Variants in HDGFL3 observed in about 807,000 individuals in gnomAD.
HDGFL3 encodes the protein HDGF like 3.
In HDGFL3, 6 loss-of-function variants were observed where a neutral mutation model predicts 27.6. That is an observed-to-expected ratio of 0.22 (90% confidence interval 0.12 to 0.43). The LOEUF (loss-of-function observed/expected upper bound fraction) is 0.43, where lower values mean the gene tolerates loss of function less well. Among genes scored for constraint, HDGFL3 ranks in the 20% least tolerant of loss-of-function variants. HDGFL3 has a pLI of 1.00. For synonymous variants in HDGFL3, 88 were observed against 88.9 expected (o/e 0.99, Z 0.05); for missense variants, 207 against 250.1 (o/e 0.83, Z 1.16).
At chr15:83,153,265 G>A (rs758821863) in intron 4 of HDGFL3, among the ~76,000 whole-genome samples, 15 of 152,136 alleles carry the variant, frequency 9.9e-5, no homozygotes, top group Non-Finnish European at 1.3e-4. Context: ...TGATCTGCCC[G>A]CCTCGGCCTC....
Position 83,113,244 on chromosome 15 carries a change from C to T in HDGFL3, c.*2465G>A, listed in dbSNP as rs146817131. On this transcript the variant is annotated 3_prime_UTR_variant, in exon 4 of 4. Coordinates refer to the HDGFL3 transcript ENST00000568294. ...TCAGCCTGCTACTAGCAGTCCCCCC[C>T]ACTTAGTGCAGAACTTAACTGTGTG... 1.4e-3 allele frequency: 543 copies of T among 377,344 alleles called. 7 individuals carry two copies. Among genetic ancestry groups the T allele is most frequent in the Admixed American group, 0.012 (309 of 25,394 alleles). 23.4% of individuals were successfully genotyped at this position (377,344 alleles called of 1,614,324 possible).
exon 4 of HDGFL3, chr15:83,115,201 TC>T: frequency 3.4e-4 from 57 of 165,668 alleles, no homozygotes; most frequent in South Asian, 1.1e-3. Flanking sequence ...CACTGCAACC[TC>T]CGCCTCCTGG....
chr15:83,190,801 T>C (rs1401634626), intron 1 of HDGFL3, among the ~76,000 whole-genome samples: 2 of 152,222 alleles, frequency 1.3e-5, no homozygotes, highest in African/African-American at 2.4e-5. Flanking sequence ...TTTCCTGTTA[T>C]GGCTAGTTCT....
intron 1 of HDGFL3, among the ~76,000 whole-genome samples, chr15:83,183,085 T>C (rs1420079858): frequency 6.6e-6 from 1 of 152,230 alleles, no homozygotes; most frequent in Non-Finnish European, 1.5e-5. Flanking sequence ...TCCTTTTCTC[T>C]TAAAATGTAA....
At chr15:83,204,126 T>C (rs1167050971) in intron 1 of HDGFL3, among the ~76,000 whole-genome samples, 1 of 150,526 alleles carries the variant, frequency 6.6e-6, no homozygotes. Flanking sequence ...GGCATGAGAG[T>C]ACTTTCGTAG....
intron 5 of HDGFL3, among the ~76,000 whole-genome samples, chr15:83,145,897 C>CTTTTTTTTTTT (rs3082058): frequency 1.0e-4 from 5 of 49,436 alleles, no homozygotes; most frequent in Non-Finnish European, 1.4e-4. Flanking sequence ...TTTCTTCTTC[C>CTTTTTTTTTTT]TTTTTTTTTT....
At chr15:83,113,117 T>C (rs2034344770) in exon 4 of HDGFL3, 2 of 577,904 alleles carry the variant, frequency 3.5e-6, no homozygotes, top group Admixed American at 3.0e-5. Flanking sequence ...CGGTGGAGAG[T>C]TACTGCCAGG....
chr15:83,150,443 A>G (rs1434218864), intron 5 of HDGFL3, among the ~76,000 whole-genome samples: 2 of 152,220 alleles, frequency 1.3e-5, no homozygotes, highest in East Asian at 3.8e-4. Flanking sequence ...GAGAACAATC[A>G]GAATCATAAT....
At chr15:83,183,034 G>C (rs971891121) in intron 1 of HDGFL3, among the ~76,000 whole-genome samples, 16 of 152,180 alleles carry the variant, frequency 1.1e-4, no homozygotes, top group African/African-American at 3.6e-4. Context: ...TAAATAGAGA[G>C]GGAAGAAGAG....
chr15:83,162,351 T>C (rs2037112430), intron 2 of HDGFL3, among the ~76,000 whole-genome samples: 1 of 152,154 alleles, frequency 6.6e-6, no homozygotes, highest in South Asian at 2.1e-4. Context: ...CTCCCCCAGG[T>C]ATTTTTAAAT....
chr15:83,136,783 C>A lies in HDGFL3; in HGVS notation c.*2487G>T. The A allele has an allele frequency of 1.1e-6, 1 of 915,838 alleles. No individual in the cohort carries two copies. Among genetic ancestry groups the A allele is most frequent in the Non-Finnish European group, 1.6e-6 (1 of 609,794 alleles). The allele number at this position is 915,838 out of a possible 1,614,324, so 56.7% of individuals were successfully genotyped here. On this transcript the variant is annotated 3_prime_UTR_variant, in exon 6 of 6. Transcript: ENST00000299633. ...ATACGTGAGTACTTAAGAATATGTA[C>A]ATTCTTGCTCTGCACTGTATGTGTG...
intron 1 of HDGFL3, among the ~76,000 whole-genome samples, chr15:83,195,592 A>G (rs965472263): frequency 6.6e-6 from 1 of 152,086 alleles, no homozygotes; most frequent in Non-Finnish European, 1.5e-5. Context: ...CAGAAGAGAT[A>G]CTCAATAAAC....
chr15:83,115,846 G>T, intron 3 of HDGFL3: 2 of 1,611,716 alleles, frequency 1.2e-6, no homozygotes, highest in Non-Finnish European at 1.7e-6. Flanking sequence ...TTGCTCTAGT[G>T]TATGCAGTTT....
chr15:83,113,086 A>G, exon 4 of HDGFL3: 1 of 595,578 alleles, frequency 1.7e-6, no homozygotes, highest in Non-Finnish European at 3.0e-6. Context: ...AGTGGACTCC[A>G]CCCTCTCCCA....
At chr15:83,187,910 A>T (rs2037465626) in intron 1 of HDGFL3, among the ~76,000 whole-genome samples, 1 of 148,884 alleles carries the variant, frequency 6.7e-6, no homozygotes, top group Admixed American at 6.7e-5. Flanking sequence ...AAAAAAAAGG[A>T]AAAGGTTGCA....
chr15:83,147,896 T>A (rs1236554685), intron 5 of HDGFL3, among the ~76,000 whole-genome samples: 1 of 152,202 alleles, frequency 6.6e-6, no homozygotes, highest in Admixed American at 6.5e-5. Context: ...TCCATGTTAG[T>A]TAGAATCTAG....
intron 1 of HDGFL3, among the ~76,000 whole-genome samples, chr15:83,186,759 T>A (rs1388896364): frequency 6.6e-6 from 1 of 152,030 alleles, no homozygotes; most frequent in Non-Finnish European, 1.5e-5. Context: ...GGGCGAGGGA[T>A]GAAAAACTAC....
At chr15:83,197,224 C>G (rs1233604779) in intron 1 of HDGFL3, among the ~76,000 whole-genome samples, 1 of 152,170 alleles carries the variant, frequency 6.6e-6, no homozygotes, top group Admixed American at 6.5e-5. Flanking sequence ...TTCTTGAACA[C>G]CTGGCATATC....
chr15:83,170,593 G>GT (rs1313415205), intron 1 of HDGFL3, among the ~76,000 whole-genome samples: 3 of 152,150 alleles, frequency 2.0e-5, no homozygotes, highest in African/African-American at 7.2e-5. Context: ...AGTTCTAAAT[G>GT]TAAGACCTCA....
Sources: gnomAD v4.1 joint callset for allele counts (sites outside exome capture counted in the v4.1 genomes callset) on GRCh38, gnomAD v4.1.1 for gene constraint, MANE v1.5 for transcripts, NCBI Gene and HGNC (gene_info 2026-07-23, HGNC 2026-07-21) for gene names.